LARGE1: variants seen among roughly 807,000 people sequenced by gnomAD.
LARGE1 encodes the protein LARGE xylosyl- and glucuronyltransferase 1.
Under a neutral mutation model 87.6 loss-of-function variants are expected in LARGE1, and 43 were observed. That is an observed-to-expected ratio of 0.49 (90% confidence interval 0.38 to 0.63). The LOEUF is 0.63. LARGE1 is among the 30% of genes least tolerant of loss of function. The pLI is 0.00. For synonymous variants in LARGE1, 434 were observed against 394.6 expected (o/e 1.10, Z -1.18); for missense variants, 802 against 1,000.2 (o/e 0.80, Z 2.67).
At chr22:33,487,702 A>G (rs545229842) in intron 6 of LARGE1, among the ~76,000 whole-genome samples, 1 of 152,126 alleles carries the variant, frequency 6.6e-6, no homozygotes, top group South Asian at 2.1e-4. Context: ...ACTCACTGAA[A>G]TCTAGAAAAT....
intron 1 of LARGE1, among the ~76,000 whole-genome samples, chr22:33,798,249 C>T (rs774718493): frequency 3.9e-5 from 6 of 152,104 alleles, no homozygotes; most frequent in African/African-American, 7.2e-5. Flanking sequence ...GAGATCTGGC[C>T]GTTACACTCC....
At chr22:33,449,156 T>C (rs1432765836) in intron 6 of LARGE1, among the ~76,000 whole-genome samples, 1 of 152,188 alleles carries the variant, frequency 6.6e-6, no homozygotes, top group Non-Finnish European at 1.5e-5. Flanking sequence ...TCAAGACTTC[T>C]GTTTTCCGTA....
intron 6 of LARGE1, among the ~76,000 whole-genome samples, chr22:33,505,233 G>A (rs1019138895): frequency 1.3e-5 from 2 of 152,248 alleles, no homozygotes; most frequent in Non-Finnish European, 2.9e-5. Flanking sequence ...ACCACGATTA[G>A]TGGAATAGAG....
intron 7 of LARGE1, among the ~76,000 whole-genome samples, chr22:33,417,051 C>T (rs544698578): frequency 4.0e-5 from 6 of 151,584 alleles, no homozygotes; most frequent in Non-Finnish European, 2.9e-5. Context: ...GGACTACAGG[C>T]GTGTGTCACC....
intron 6 of LARGE1, among the ~76,000 whole-genome samples, chr22:33,516,402 C>T (rs2071305140): frequency 2.0e-5 from 3 of 151,986 alleles, no homozygotes; most frequent in East Asian, 1.9e-4. Flanking sequence ...TGACGAAGAC[C>T]CTGTGCTTGG....
chr22:33,347,435 C>T (rs1884975883), intron 9 of LARGE1, among the ~76,000 whole-genome samples: 1 of 152,210 alleles, frequency 6.6e-6, no homozygotes, highest in Non-Finnish European at 1.5e-5. Context: ...ATAATCCTCA[C>T]ATTTTGTCTG....
chr22:33,139,570 C>G, the LARGE1 span, among the ~76,000 whole-genome samples: 1 of 151,826 alleles, frequency 6.6e-6, no homozygotes, highest in Admixed American at 6.6e-5. Context: ...ACTCTTATAC[C>G]CCTCTAGTAA....
At chr22:33,451,215 G>C (rs186801979) in intron 6 of LARGE1, among the ~76,000 whole-genome samples, 110 of 152,076 alleles carry the variant, frequency 7.2e-4, no homozygotes, top group African/African-American at 2.5e-3. Flanking sequence ...CCAAGTTCAG[G>C]GTAGAAAAAA....
intron 1 of LARGE1, among the ~76,000 whole-genome samples, chr22:33,822,727 A>C (rs1482919934): frequency 6.6e-6 from 1 of 152,154 alleles, no homozygotes; most frequent in Admixed American, 6.5e-5. Flanking sequence ...AAAGAAAGAA[A>C]TGTAAATGTA....
intron 1 of LARGE1, among the ~76,000 whole-genome samples, chr22:33,905,360 T>C (rs2065415246): frequency 3.9e-5 from 6 of 152,150 alleles, no homozygotes; most frequent in Admixed American, 3.3e-4. Context: ...TGAGCCACCA[T>C]GCCTGGGCCC....
chr22:33,122,960 C>A, the LARGE1 span, among the ~76,000 whole-genome samples: 2 of 152,102 alleles, frequency 1.3e-5, no homozygotes, highest in Non-Finnish European at 2.9e-5. Flanking sequence ...CAGCAGGGGG[C>A]ATAGGCTGGG....
At chr22:33,141,648 T>C in the LARGE1 span, among the ~76,000 whole-genome samples, 8 of 152,186 alleles carry the variant, frequency 5.3e-5, no homozygotes, top group Non-Finnish European at 2.9e-5. Context: ...GAAATGGTAT[T>C]GGCATGATGT....
chr22:33,436,209 C>G (rs1209052509), intron 6 of LARGE1, among the ~76,000 whole-genome samples: 3 of 152,216 alleles, frequency 2.0e-5, no homozygotes, highest in Non-Finnish European at 4.4e-5. Flanking sequence ...CTAACTCTTA[C>G]AGCTGCTGTG....
intron 6 of LARGE1, among the ~76,000 whole-genome samples, chr22:33,514,448 A>T (rs2071204276): frequency 6.6e-6 from 1 of 152,246 alleles, no homozygotes; most frequent in East Asian, 1.9e-4. Flanking sequence ...GTGGATCAAA[A>T]ATATTCTAAG....
intron 2 of LARGE1, among the ~76,000 whole-genome samples, chr22:33,679,537 A>G (rs761019841): frequency 2.0e-5 from 3 of 152,136 alleles, no homozygotes; most frequent in Non-Finnish European, 4.4e-5. Flanking sequence ...CACAAGCCAA[A>G]GAACTATCAG....
intron 2 of LARGE1, among the ~76,000 whole-genome samples, chr22:33,697,430 C>T (rs2149357795): frequency 6.6e-6 from 1 of 151,866 alleles, no homozygotes; most frequent in Admixed American, 6.6e-5. Context: ...GGCATAGTGG[C>T]TCATGCCTAC....
intron 1 of LARGE1, among the ~76,000 whole-genome samples, chr22:33,872,798 G>C (rs184627879): frequency 6.6e-6 from 1 of 152,240 alleles, no homozygotes; most frequent in Admixed American, 6.5e-5. Context: ...AGGAGTTCGA[G>C]ACCAGCCTGG....
At chr22:33,308,750 G>A (rs111471182) in intron 11 of LARGE1, among the ~76,000 whole-genome samples, 3 of 152,272 alleles carry the variant, frequency 2.0e-5, no homozygotes, top group African/African-American at 4.8e-5. Flanking sequence ...ACACAGGAAT[G>A]AGCCCAGCAG....
chr22:33,103,432 C>CAAAAAAAAAAAAAA, the LARGE1 span, among the ~76,000 whole-genome samples: 2 of 33,802 alleles, frequency 5.9e-5, 1 homozygote, highest in Non-Finnish European at 8.9e-5. Context: ...GACTCTGTCT[C>CAAAAAAAAAAAAAA]AAAAAAAAAA....
Sources: allele counts gnomAD v4.1 joint callset (sites outside exome capture counted in the v4.1 genomes callset), GRCh38; gene constraint gnomAD v4.1.1; transcripts MANE v1.5; gene names NCBI Gene and HGNC (gene_info 2026-07-23, HGNC 2026-07-21).